Variants in CACNA1B observed in about 807,000 individuals in gnomAD.
CACNA1B encodes voltage-dependent N-type calcium channel subunit alpha-1B.
In CACNA1B, 70 loss-of-function variants were observed where a neutral mutation model predicts 247.2. The ratio of observed to expected loss-of-function variants is 0.28; its 90% confidence interval spans 0.23 to 0.35. CACNA1B has a LOEUF of 0.35. Ranked by LOEUF, CACNA1B falls within the 10% of genes least tolerant of loss-of-function variation. The probability of loss-of-function intolerance (pLI) is 1.00; values close to 1 mark genes in which losing one functional copy is unlikely to be tolerated. For missense variants in CACNA1B, 2,367 were observed against 3,197.4 expected, an observed-to-expected ratio of 0.74 and a Z score of 6.26; for synonymous variants, 1,231 against 1,294.4, an observed-to-expected ratio of 0.95 and a Z score of 1.05.
chr9:138,069,655 G>A, intron 31 of CACNA1B, 103 bp from the exon 32 acceptor site: 2 of 837,824 alleles, frequency 2.4e-6, no homozygotes, highest in South Asian at 2.8e-5. Flanking sequence ...AACATACAAT[G>A]CGAAAACCCA....
In CACNA1B at chr9:138,072,747, A is replaced by C. The variant is rs1035858598; in HGVS notation, c.4675-741A>C. 1.3e-5 allele frequency among the ~76,000 whole-genome samples: 2 copies of C among 152,242 alleles called. No individual in the cohort carries two copies. The highest frequency in any genetic ancestry group is 2.9e-5 in the Non-Finnish European group (2 of 68,042). ...CCACGTGGAGGCTTTACTGCCAGGT[A>C]ATCTGTGGAGTCCCAGGTTTATCCA... On this transcript the variant is annotated intron_variant, in intron 32 of 46. Coordinates refer to ENST00000371372, the MANE Select transcript of CACNA1B (RefSeq NM_000718.4). This position sits in a 1 kb window ranked among gnomAD's most constrained non-coding sequence, Gnocchi z 4.5.
intron 39 of CACNA1B, among the ~76,000 whole-genome samples, chr9:138,108,308 C>CAAAAA (rs935431476): frequency 3.4e-4 from 15 of 44,036 alleles, no homozygotes; most frequent in South Asian, 8.9e-4. Flanking sequence ...AACCCCATCT[C>CAAAAA]AAAAAAAAAA....
At chr9:138,029,540 T>G (rs1958962534) in intron 20 of CACNA1B, among the ~76,000 whole-genome samples, 1 of 152,104 alleles carries the variant, frequency 6.6e-6, no homozygotes, top group Non-Finnish European at 1.5e-5. Context: ...GTTTTAAAAA[T>G]TTCCCTCTGT....
chr9:138,076,354 AG>A (rs1037630657), intron 35 of CACNA1B, among the ~76,000 whole-genome samples: 1 of 148,886 alleles, frequency 6.7e-6, no homozygotes, highest in African/African-American at 2.4e-5. Flanking sequence ...GTAGGGCAAC[AG>A]GGGGAACTGA....
chr9:138,086,677 CA>C lies in CACNA1B; in HGVS notation c.5094+8424del, dbSNP rs570875292. 2.0e-5 allele frequency among the ~76,000 whole-genome samples: 3 copies of C among 151,340 alleles called. No individual in the cohort carries two copies. In the South Asian group the frequency reaches 6.3e-4, roughly 32 times the overall value. On this transcript the variant is annotated intron_variant, in intron 36 of 46. Transcript: ENST00000371372. ...CATACAAAACAAATATTATTAGATC[CA>C]AAAAGAGAGATAGATTCCAGCACAG...
intron 13 of CACNA1B, among the ~76,000 whole-genome samples, chr9:137,985,841 T>C (rs1958353595): frequency 6.6e-6 from 1 of 152,266 alleles, no homozygotes; most frequent in Admixed American, 6.5e-5. Context: ...TGGGAAGCGT[T>C]GAGGGATACC....
At chr9:137,923,094 A>G (rs181149457) in intron 6 of CACNA1B, among the ~76,000 whole-genome samples, 12 of 152,362 alleles carry the variant, frequency 7.9e-5, no homozygotes, top group Non-Finnish European at 1.3e-4. Context: ...AGGTTCACCC[A>G]GGTGTTGGTA....
rs752319067 is a variant in CACNA1B at position 138,052,063 on chromosome 9, T to C, written c.3711-29T>C. 7.5e-7 allele frequency: 1 copy of C among 1,338,322 alleles called. No individual in the cohort carries two copies. Among genetic ancestry groups the C allele is most frequent in the South Asian group, 1.2e-5 (1 of 83,712 alleles). 82.9% of individuals were successfully genotyped at this position (1,338,322 alleles called of 1,614,324 possible). ...GCTGGGCACACCCATGCCTCCTGCCTGTCTGCATCTGTGGCTTCTCCCTTC... is the reference window on the plus strand; with the variant it reads ...GCTGGGCACACCCATGCCTCCTGCCCGTCTGCATCTGTGGCTTCTCCCTTC... On this transcript the variant is annotated intron_variant, in intron 24 of 46. Transcript: ENST00000371372. The surrounding 1 kb of genome is among the most constrained non-coding windows in gnomAD (Gnocchi z 5.1).
intron 15 of CACNA1B, among the ~76,000 whole-genome samples, chr9:138,002,374 A>G (rs1200237274): frequency 6.6e-6 from 1 of 152,138 alleles, no homozygotes; most frequent in Non-Finnish European, 1.5e-5. Flanking sequence ...TTAGAAACCT[A>G]AATGTAAAAA....
At chr9:137,984,981 G>T (rs1478449958) in intron 13 of CACNA1B, among the ~76,000 whole-genome samples, 1 of 152,200 alleles carries the variant, frequency 6.6e-6, no homozygotes, top group Admixed American at 6.5e-5. Context: ...GGCAGCAAAG[G>T]CTGCACCGCG....
In CACNA1B at chr9:138,054,705, C is replaced by T. The variant is rs531653553; in HGVS notation, c.3968+699C>T. Among the ~76,000 whole-genome samples the T allele has an allele frequency of 1.3e-5, 2 of 152,304 alleles. No individual in the cohort carries two copies. The highest frequency in any genetic ancestry group is 4.8e-5 in the African/African-American group (2 of 41,566). Reference sequence around the variant, plus strand: ...GTGTATCTGTCTGGTAGTGGAATTGCCGGGTCCTGGGTGTGCGTGTACTCA... The same window carrying T: ...GTGTATCTGTCTGGTAGTGGAATTGTCGGGTCCTGGGTGTGCGTGTACTCA... On this transcript the variant is annotated intron_variant, in intron 26 of 46. Coordinates refer to ENST00000371372, the MANE Select transcript of CACNA1B (RefSeq NM_000718.4). The surrounding 1 kb of genome is among the most constrained non-coding windows in gnomAD (Gnocchi z 4.6).
At chr9:137,892,688 G>T (rs1267434470) in intron 3 of CACNA1B, 1 of 321,042 alleles carries the variant, frequency 3.1e-6, no homozygotes, top group Non-Finnish European at 6.1e-6. Flanking sequence ...TCCAAGGGTG[G>T]GGGCTCCTGA....
chr9:138,004,489 G>A (rs1958621517), intron 15 of CACNA1B, among the ~76,000 whole-genome samples: 1 of 150,092 alleles, frequency 6.7e-6, no homozygotes, highest in South Asian at 2.1e-4. Flanking sequence ...AGCAGAAGTT[G>A]CAGTGGGCCA....
chr9:138,119,784 A>T (rs563732404), intron 44 of CACNA1B, among the ~76,000 whole-genome samples: 2 of 152,108 alleles, frequency 1.3e-5, no homozygotes, highest in South Asian at 4.2e-4. Context: ...GGGAGGGCCT[A>T]CCCGTCCCAG....
chr9:137,882,050 G>C lies in CACNA1B; in HGVS notation c.391-694G>C, dbSNP rs1956929491. Among the ~76,000 whole-genome samples, 1 of 152,196 alleles carries C rather than the reference G, an allele frequency of 6.6e-6. No homozygotes were observed. Among genetic ancestry groups the C allele is most frequent in the Non-Finnish European group, 1.5e-5 (1 of 68,038 alleles). The stretch of plus-strand genomic sequence containing the variant: ...CTGCCTCCAGGGTCCTCACAGATGT[G>C]GCGGTCGTCGCTCAGCACACTCAGG... On this transcript the variant is annotated intron_variant, in intron 2 of 46. Coordinates refer to ENST00000371372, the MANE Select transcript of CACNA1B (RefSeq NM_000718.4). The surrounding 1 kb of genome is among the most constrained non-coding windows in gnomAD (Gnocchi z 4.0).
At chr9:138,015,607 G>T (rs558178213) in intron 18 of CACNA1B, among the ~76,000 whole-genome samples, 3 of 152,200 alleles carry the variant, frequency 2.0e-5, no homozygotes, top group Non-Finnish European at 4.4e-5. Flanking sequence ...CCTGCGGAGC[G>T]GGGCCAATGC....
rs181191006 is a variant in CACNA1B at position 137,990,637 on chromosome 9, T to C, written c.1974+3783T>C. 7.7e-4 allele frequency among the ~76,000 whole-genome samples: 89 copies of C among 116,222 alleles called. No individual in the cohort carries two copies. The highest frequency in any genetic ancestry group is 1.5e-3 in the East Asian group (6 of 4,106). 76.2% of individuals were successfully genotyped at this position (116,222 alleles called of 152,430 possible). A position where few individuals can be genotyped will look rare whatever the true frequency, so the allele number is the denominator to read the frequency against. On this transcript the variant is annotated intron_variant, in intron 15 of 46. Transcript: ENST00000371372. This position sits in a 1 kb window ranked among gnomAD's most constrained non-coding sequence, Gnocchi z 4.5. ...CCCCCACCAGAGCAGGTGCTGGAGG[T>C]CAACCAATATAAAACCAGCACACTC...
In CACNA1B at chr9:138,102,564, T is replaced by C; in HGVS notation, c.5223-147T>C. ...TTTTATTTATTTTGATTTTGGGCTT[T>C]GAATCCGACACTTTGATTAACTGGC... On this transcript the variant is annotated intron_variant, in intron 37 of 46. Transcript: ENST00000371372. This position sits in a 1 kb window ranked among gnomAD's most constrained non-coding sequence, Gnocchi z 5.4. The C allele has an allele frequency of 1.9e-6, 1 of 538,168 alleles. No individual in the cohort carries two copies. 33.3% of individuals were successfully genotyped at this position (538,168 alleles called of 1,614,324 possible). A position where few individuals can be genotyped will look rare whatever the true frequency, so the allele number is the denominator to read the frequency against.
chr9:137,992,579 A>C (rs1252292874), intron 15 of CACNA1B, among the ~76,000 whole-genome samples: 1 of 152,144 alleles, frequency 6.6e-6, no homozygotes, highest in Admixed American at 6.5e-5. Context: ...TATACCCTAC[A>C]ACAAATGGAC....
Sources: allele counts gnomAD v4.1 joint callset (sites outside exome capture counted in the v4.1 genomes callset), GRCh38; gene constraint gnomAD v4.1.1; non-coding constraint Gnocchi (gnomAD v3.1); transcripts MANE v1.5; gene names NCBI Gene and HGNC (gene_info 2026-07-23, HGNC 2026-07-21).